The following FAM167A variants were observed in gnomAD, a reference collection of about 807,000 sequenced individuals.
FAM167A encodes family with sequence similarity 167 member A.
FAM167A carries 23 observed loss-of-function variants against 14.9 expected under a neutral mutation model. The observed-to-expected ratio is 1.55, with a 90% CI of 1.11 to 2.19. The LOEUF is 2.19. Among genes scored for constraint, FAM167A ranks in the 30% most tolerant of loss-of-function variants. The probability of loss-of-function intolerance (pLI) is 0.00; values close to 1 mark genes in which losing one functional copy is unlikely to be tolerated. For synonymous variants in FAM167A, 174 were observed against 117.7 expected, an observed-to-expected ratio of 1.48 and a Z score of -3.10; for missense variants, 401 against 281.5, an observed-to-expected ratio of 1.42 and a Z score of -3.04.
At chr8:11,431,258 G>C (rs912583842) in intron 2 of FAM167A, among the ~76,000 whole-genome samples, 36 of 152,260 alleles carry the variant, frequency 2.4e-4, no homozygotes, top group Admixed American at 2.6e-4. Flanking sequence ...GATGAATCTT[G>C]AGGACATTAT....
intron 1 of FAM167A, chr8:11,445,603 A>G (rs887740510): frequency 1.0e-6 from 1 of 985,486 alleles, no homozygotes; most frequent in Non-Finnish European, 1.2e-6. Flanking sequence ...ATGGGATCTG[A>G]TGTGGCCTCC....
intron 2 of FAM167A, chr8:11,434,794 G>C: frequency 2.9e-6 from 1 of 341,860 alleles, no homozygotes; most frequent in East Asian, 7.6e-5. Context: ...CCTACACAGA[G>C]AGAGGATGCT....
chr8:11,457,027 G>A (rs530939502), intron 1 of FAM167A, among the ~76,000 whole-genome samples: 1 of 122,198 alleles, frequency 8.2e-6, no homozygotes, highest in African/African-American at 3.2e-5. Flanking sequence ...CTGGGTTAGG[G>A]GTATGGGCGG....
At chr8:11,456,342 G>GGC (rs1807298984) in intron 1 of FAM167A, among the ~76,000 whole-genome samples, 1 of 150,780 alleles carries the variant, frequency 6.6e-6, no homozygotes, top group African/African-American at 2.4e-5. Flanking sequence ...TGAGTGTGGG[G>GGC]TGGTTGCCCT....
At chr8:11,434,891 G>T (rs115866599) in intron 2 of FAM167A, 1 of 384,180 alleles carries the variant, frequency 2.6e-6, no homozygotes, top group African/African-American at 2.1e-5. Flanking sequence ...ATTCTGTGCC[G>T]GAGAGAGAGT....
chr8:11,445,385 G>C, intron 1 of FAM167A: 1 of 985,714 alleles, frequency 1.0e-6, no homozygotes, highest in Non-Finnish European at 1.2e-6. Context: ...CTTACTCTAC[G>C]CTCCTAGCTT....
intron 2 of FAM167A, among the ~76,000 whole-genome samples, chr8:11,424,928 T>G (rs1001933004): frequency 2.6e-5 from 4 of 152,176 alleles, no homozygotes; most frequent in Non-Finnish European, 5.9e-5. Context: ...TCTCATTGTT[T>G]AGAGTTTCAT....
In FAM167A at chr8:11,422,911, G is replaced by C. The variant is rs1345808461; in HGVS notation, c.*1462C>G. 6.5e-6 allele frequency: 1 copy of C among 152,696 alleles called. No individual in the cohort carries two copies. Among genetic ancestry groups the C allele is most frequent in the Non-Finnish European group, 1.5e-5 (1 of 68,060 alleles). The allele number at this position is 152,696 out of a possible 1,614,324, so 9.5% of individuals were successfully genotyped here. ...TGTTCTGAATTGCAATACTCTGGGAGATGTGGGTGGGGGCTGAGGTGGAGA... is the reference window on the plus strand; with the variant it reads ...TGTTCTGAATTGCAATACTCTGGGACATGTGGGTGGGGGCTGAGGTGGAGA... On this transcript the variant is annotated 3_prime_UTR_variant, in exon 3 of 3. Transcript: ENST00000284486.
rs529489892 is a variant in FAM167A, at chr8:11,452,835, A to G, written c.-397-8027T>C. On this transcript the variant is annotated intron_variant, in intron 1 of 2. Coordinates refer to ENST00000284486, the MANE Select transcript of FAM167A (RefSeq NM_053279.3). The stretch of plus-strand genomic sequence containing the variant: ...CGTTCCCCAGTGCCAGCACGGGCTG[A>G]GCAATGGTAGGTCTCCTCAGAGTTC... Among the ~76,000 whole-genome samples the G allele has an allele frequency of 2.0e-5, 3 of 152,304 alleles. No homozygotes were observed. In the South Asian group the frequency reaches 6.2e-4, roughly 32 times the overall value.
rs146740391 is a variant in FAM167A, at chr8:11,473,413, C to T, written c.-398+2453G>A. On this transcript the variant is annotated intron_variant, in intron 1 of 1. Transcript: ENST00000648766. ...AAGGACTGCCTGTCATTCACCAGTGCTGGGGGGGATTTTTGGGGAAACGGG... is the reference window on the plus strand; with the variant it reads ...AAGGACTGCCTGTCATTCACCAGTGTTGGGGGGGATTTTTGGGGAAACGGG... Among the ~76,000 whole-genome samples the T allele has an allele frequency of 1.8e-3, 275 of 152,244 alleles. 3 individuals are homozygous for T. The highest frequency in any genetic ancestry group is 6.2e-3 in the African/African-American group (258 of 41,534).
At chr8:11,445,284 G>A in intron 1 of FAM167A, 1 of 985,720 alleles carries the variant, frequency 1.0e-6, no homozygotes, top group Non-Finnish European at 1.2e-6. Flanking sequence ...CACAGGCTAA[G>A]GTGGGTCTGC....
chr8:11,434,880 C>G, intron 2 of FAM167A: 1 of 373,652 alleles, frequency 2.7e-6, no homozygotes, highest in South Asian at 2.0e-5. Flanking sequence ...CCAAGGAAGA[C>G]ATTCTGTGCC....
chr8:11,457,438 C>T (rs1807379253), intron 1 of FAM167A, among the ~76,000 whole-genome samples: 1 of 151,982 alleles, frequency 6.6e-6, no homozygotes, highest in South Asian at 2.1e-4. Context: ...AAACCCCAGC[C>T]TGGGCCACAG....
intron 2 of FAM167A, among the ~76,000 whole-genome samples, chr8:11,440,140 C>G (rs1002111046): frequency 1.3e-5 from 2 of 152,212 alleles, no homozygotes; most frequent in Non-Finnish European, 2.9e-5. Context: ...ACAACGGCCA[C>G]TCCCCTGAGC....
At chr8:11,445,934 G>T (rs1806757327) in intron 1 of FAM167A, among the ~76,000 whole-genome samples, 1 of 151,136 alleles carries the variant, frequency 6.6e-6, no homozygotes. Context: ...CAGCAGCCTG[G>T]AGAGTAGGCC....
rs138147452 is a variant in FAM167A at position 11,442,694 on chromosome 8, C to T, written c.381+1337G>A. The stretch of plus-strand genomic sequence containing the variant: ...TGTGCATCTCCCCTCACCTCTTATA[C>T]CCCCCACCAAGAGCACCAGGGGTGA... On this transcript the variant is annotated intron_variant, in intron 2 of 2. Coordinates refer to ENST00000284486, the MANE Select transcript of FAM167A (RefSeq NM_053279.3). 3.7e-3 allele frequency among the ~76,000 whole-genome samples: 570 copies of T among 152,092 alleles called. 6 individuals are homozygous for T. The highest frequency in any genetic ancestry group is 0.013 in the African/African-American group (534 of 41,484).
intron 1 of FAM167A, among the ~76,000 whole-genome samples, chr8:11,456,917 G>C (rs1807340371): frequency 7.0e-6 from 1 of 142,050 alleles, no homozygotes; most frequent in South Asian, 2.4e-4. Context: ...TTCGGGAAGT[G>C]GGTGGGGCTG....
chr8:11,462,290 C>T (rs971657397), intron 1 of FAM167A, among the ~76,000 whole-genome samples: 9 of 152,206 alleles, frequency 5.9e-5, no homozygotes, highest in African/African-American at 1.9e-4. Flanking sequence ...CAGCCTGCCA[C>T]TTACTAGTTC....
Position 11,444,704 on chromosome 8 carries a change from C to A in FAM167A, c.-293G>T, listed in dbSNP as rs11545569. On this transcript the variant is annotated 5_prime_UTR_variant, in exon 2 of 3. Coordinates refer to ENST00000284486, the MANE Select transcript of FAM167A (RefSeq NM_053279.3). ...AGACAGCGTCGCAGGAATCTCGGGG[C>A]AGCCTGTGCCAAGGTCTATCTGTCC... 2.5e-3 allele frequency: 2,966 copies of A among 1,193,638 alleles called. 73 individuals are homozygous for A. In the African/African-American group the frequency reaches 0.043, roughly 17 times the overall value. The allele number at this position is 1,193,638 out of a possible 1,614,324, so 73.9% of individuals were successfully genotyped here.
Sources: gnomAD v4.1 joint callset for allele counts (sites outside exome capture counted in the v4.1 genomes callset) on GRCh38, gnomAD v4.1.1 for gene constraint, MANE v1.5 for transcripts, NCBI Gene and HGNC (gene_info 2026-07-23, HGNC 2026-07-21) for gene names.